Variants in SERINC3 observed in about 807,000 individuals in gnomAD.
SERINC3 encodes tumor differentially expressed protein 1.
A neutral mutation model predicts 52.1 loss-of-function variants in SERINC3; 22 were observed. The observed-to-expected ratio is 0.42, with a 90% CI of 0.30 to 0.60. The LOEUF (loss-of-function observed/expected upper bound fraction) is 0.60, where lower values mean the gene tolerates loss of function less well. Ranked by LOEUF, SERINC3 falls within the 20% of genes least tolerant of loss-of-function variation. SERINC3 has a pLI of 0.16. For missense variants in SERINC3, 564 were observed against 584.6 expected (o/e 0.96, Z 0.36); for synonymous variants, 226 against 212.7 (o/e 1.06, Z -0.54).
Position 44,501,231 on chromosome 20 carries a change from A to C in SERINC3, c.1125T>G (p.Gly375=). ...TLSGSDSVIL[G]DTTTSGASDE... is the part of the protein sequence containing the mutation. Reference sequence around the variant, plus strand: ...CACTGGCACCACTGGTAGTTGTATCACCAAGGATGACGCTGTCACTCCCTG... The same window carrying C: ...CACTGGCACCACTGGTAGTTGTATCCCCAAGGATGACGCTGTCACTCCCTG... The change falls in exon 9 of 10, where the codon GGT becomes GGG. Residue 375 remains glycine (G), a synonymous_variant. Coordinates refer to ENST00000342374, the MANE Select transcript of SERINC3 (RefSeq NM_006811.4). 6.2e-7 allele frequency: 1 copy of C among 1,614,134 alleles called. No individual in the cohort carries two copies. Among genetic ancestry groups the C allele is most frequent in the Non-Finnish European group, 8.5e-7 (1 of 1,180,026 alleles).
At chr20:44,515,267 T>C (rs997215772) in intron 1 of SERINC3, among the ~76,000 whole-genome samples, 3 of 152,094 alleles carry the variant, frequency 2.0e-5, no homozygotes, top group South Asian at 2.1e-4. Context: ...GGCAGGAGAA[T>C]TGCTTGAACC....
At chr20:44,519,702 C>G (rs920977992) in intron 1 of SERINC3, among the ~76,000 whole-genome samples, 1 of 151,988 alleles carries the variant, frequency 6.6e-6, no homozygotes, top group Non-Finnish European at 1.5e-5. Flanking sequence ...GGGAGGATCA[C>G]TTGAATCCAG....
chr20:44,502,867 A>G (rs6031632), intron 8 of SERINC3, among the ~76,000 whole-genome samples: 25,832 of 152,066 alleles, frequency 0.17, 2,807 homozygotes, highest in African/African-American at 0.31. Context: ...AACGTGTGGG[A>G]AATACAGGCA....
At chr20:44,508,988 G>A (rs184791692) in intron 5 of SERINC3, among the ~76,000 whole-genome samples, 4 of 152,168 alleles carry the variant, frequency 2.6e-5, no homozygotes, top group Admixed American at 6.5e-5. Flanking sequence ...AAATAAAACT[G>A]CGCAATTCAA....
At chr20:44,510,172 A>G (rs1169945499) in intron 4 of SERINC3, 144 bp from the exon 5 acceptor site, 1 of 739,912 alleles carries the variant, frequency 1.4e-6, no homozygotes, top group Non-Finnish European at 2.2e-6. Context: ...TTCCAAACTC[A>G]ACGGCATTCT....
At chr20:44,514,206 T>C in intron 1 of SERINC3, 166 bp from the exon 2 acceptor site, 1 of 688,908 alleles carries the variant, frequency 1.5e-6, no homozygotes, top group East Asian at 2.9e-5. Flanking sequence ...GTAAATATTA[T>C]TTCTGCCGCT....
chr20:44,520,347 C>T (rs2064408301), intron 1 of SERINC3, among the ~76,000 whole-genome samples: 1 of 152,098 alleles, frequency 6.6e-6, no homozygotes, highest in Non-Finnish European at 1.5e-5. Context: ...AGCATGGAAG[C>T]TCCAGACCCG....
chr20:44,518,194 C>T (rs1431366737), intron 1 of SERINC3, among the ~76,000 whole-genome samples: 1 of 152,044 alleles, frequency 6.6e-6, no homozygotes, highest in Non-Finnish European at 1.5e-5. Flanking sequence ...GGCACAGTGG[C>T]TCACGCCTGT....
At chr20:44,508,396 G>A (rs895171024) in intron 5 of SERINC3, among the ~76,000 whole-genome samples, 1 of 151,934 alleles carries the variant, frequency 6.6e-6, no homozygotes, top group Non-Finnish European at 1.5e-5. Context: ...AGCTACTTGG[G>A]AGGCTGAGGT....
chr20:44,501,276 T>C lies in SERINC3; in HGVS notation c.1080A>G (p.Gln360=), dbSNP rs777054616. ...TCCCTGACAGGGTCAGCTTGTCTAC[T>C]TGGCTATTAGTGGAAGTGCGGATGC... is the stretch of plus-strand genomic sequence containing the variant. ...YSSIRTSTNS[Q]VDKLTLSGSD... Residue 360 remains glutamine, a synonymous_variant, in exon 9 of 10, where the codon CAA becomes CAG. Coordinates refer to ENST00000342374, the MANE Select transcript of SERINC3 (RefSeq NM_006811.4). The C allele has an allele frequency of 2.5e-6, 4 of 1,614,030 alleles. No individual in the cohort carries two copies. The highest frequency in any genetic ancestry group is 3.4e-6 in the Non-Finnish European group (4 of 1,180,032).
chr20:44,504,700 T>C, intron 7 of SERINC3, 101 bp downstream of exon 7: 1 of 949,312 alleles, frequency 1.1e-6, no homozygotes, highest in Non-Finnish European at 1.6e-6. Flanking sequence ...TTTGTTTGCT[T>C]GTTTCACATT....
At chr20:44,521,868 C>T (rs2064419285) in intron 1 of SERINC3, 45 bp downstream of exon 1, 1 of 1,583,136 alleles carries the variant, frequency 6.3e-7, no homozygotes, top group Middle Eastern at 2.0e-4. Context: ...GAGGCCTTTC[C>T]CCGCAAACCG....
intron 1 of SERINC3, among the ~76,000 whole-genome samples, chr20:44,519,029 AG>A (rs1202345778): frequency 6.6e-6 from 1 of 151,814 alleles, no homozygotes; most frequent in Non-Finnish European, 1.5e-5. Flanking sequence ...ACTATTACTG[AG>A]CACTCCTGTG....
intron 7 of SERINC3, among the ~76,000 whole-genome samples, chr20:44,504,488 A>C (rs1373482471): frequency 2.0e-5 from 3 of 152,224 alleles, no homozygotes; most frequent in Admixed American, 6.5e-5. Context: ...CATCAAACTA[A>C]AATTCAGTCA....
intron 1 of SERINC3, among the ~76,000 whole-genome samples, chr20:44,515,082 G>A (rs148935721): frequency 2.6e-5 from 4 of 152,268 alleles, no homozygotes; most frequent in East Asian, 3.9e-4. Flanking sequence ...GGCTGGGTGC[G>A]GCAGCTCACA....
At chr20:44,505,347 C>T (rs972637811) in intron 6 of SERINC3, among the ~76,000 whole-genome samples, 5 of 151,698 alleles carry the variant, frequency 3.3e-5, no homozygotes, top group East Asian at 1.9e-4. Context: ...TTTTCTGAGA[C>T]GGAGTCTCGC....
At chr20:44,518,543 C>T (rs1344187059) in intron 1 of SERINC3, among the ~76,000 whole-genome samples, 1 of 152,142 alleles carries the variant, frequency 6.6e-6, no homozygotes, top group Admixed American at 6.6e-5. Flanking sequence ...ACCCACCATA[C>T]CTGCATAAAC....
At chr20:44,501,928 C>A (rs1188796506) in intron 8 of SERINC3, among the ~76,000 whole-genome samples, 2 of 152,162 alleles carry the variant, frequency 1.3e-5, no homozygotes, top group Admixed American at 1.3e-4. Context: ...ACAGAAAAAA[C>A]ATCTCACAAA....
At chr20:44,511,483 G>T in intron 3 of SERINC3, 115 bp from the exon 4 acceptor site, 2 of 666,376 alleles carry the variant, frequency 3.0e-6, no homozygotes, top group Non-Finnish European at 5.3e-6. Flanking sequence ...CAACATGATT[G>T]TCTGGACTAT....
Sources: allele counts gnomAD v4.1 joint callset (sites outside exome capture counted in the v4.1 genomes callset), GRCh38; gene constraint gnomAD v4.1.1; transcripts MANE v1.5; gene names NCBI Gene and HGNC (gene_info 2026-07-23, HGNC 2026-07-21).